Variants in NUDT19 observed in about 807,000 individuals in gnomAD.
NUDT19 encodes the protein nudix hydrolase 19.
A neutral mutation model predicts 22.2 loss-of-function variants in NUDT19; 31 were observed. That is an observed-to-expected ratio of 1.40 (90% CI 1.05 to 1.89). The LOEUF (loss-of-function observed/expected upper bound fraction) is 1.89. NUDT19 is among the 40% of genes most tolerant of loss of function. The pLI, the probability that NUDT19 is intolerant of heterozygous loss-of-function variation, is 0.00. For missense variants in NUDT19, 752 were observed against 514.2 expected (o/e 1.46, Z -4.47); for synonymous variants, 325 against 230.8 (o/e 1.41, Z -3.70).
intron 1 of NUDT19, among the ~76,000 whole-genome samples, chr19:32,693,699 A>G (rs915349851): frequency 1.3e-5 from 2 of 152,050 alleles, no homozygotes; most frequent in Non-Finnish European, 2.9e-5. Flanking sequence ...TTTACATAGT[A>G]CTGATTGGTG....
Position 32,692,251 on chromosome 19 carries a change from C to G in NUDT19, c.291C>G (p.Ser97Arg), listed in dbSNP as rs369231506. 16 of 1,591,940 alleles carry G rather than the reference C, an allele frequency of 1.0e-5. No individual in the cohort carries two copies. Among genetic ancestry groups the G allele is most frequent in the East Asian group, 2.3e-5 (1 of 44,208 alleles). The change falls in exon 1 of 3, where the codon AGC becomes AGG. Residue 97 changes from serine (S) to arginine (R), a missense_variant. Coordinates refer to ENST00000397061, the MANE Select transcript of NUDT19 (RefSeq NM_001105570.2). ...PRFGLGPAPF[S>R]RTAFPSLPDT... ...TCGGCCTGGGCCCGGCGCCATTCAG[C>G]CGCACCGCTTTCCCGTCGCTGCCCG...
At position 32,709,282 on chromosome 19, in the gene NUDT19, CCT is replaced by C. The variant is rs775485315; in HGVS notation, c.821_822del (p.Ser274Ter). The C allele has an allele frequency of 1.2e-6, 2 of 1,613,938 alleles. No homozygotes were observed. The highest frequency in any genetic ancestry group is 1.3e-5 in the African/African-American group (1 of 75,040). ...GAAGTGAGAAGACTTGCAAACTTTG[CCT>C]CTCTCTCTGACTTGCACAAATTTTG... On this transcript the variant is annotated frameshift_variant, in exon 2 of 3. Transcript: ENST00000397061. LOFTEE classifies it high-confidence loss of function.
chr19:32,708,138 A>G (rs1272401086), intron 1 of NUDT19, among the ~76,000 whole-genome samples: 1 of 132,930 alleles, frequency 7.5e-6, no homozygotes, highest in Non-Finnish European at 1.6e-5. Flanking sequence ...GACAGAGAGT[A>G]CTCGGTCAAA....
Position 32,692,385 on chromosome 19 carries a change from G to A in NUDT19, c.425G>A (p.Arg142Gln), listed in dbSNP as rs8108621. ...GAGGAGGCGGGCGTGCTGCTGCTGC[G>A]GCCCAGGACTTCCCCACCAGGCCCA... The part of the protein sequence containing the change: ...AFEEAGVLLL[R>Q]PRTSPPGPAP... The change falls in exon 1 of 3, where the codon CGG (arginine) becomes CAG (glutamine). Residue 142 changes from arginine (R) to glutamine (Q), a missense_variant. Coordinates refer to ENST00000397061, the MANE Select transcript of NUDT19 (RefSeq NM_001105570.2). The A allele has an allele frequency of 0.17, 262,910 of 1,581,572 alleles. 22,624 individuals carry two copies. The highest frequency in any genetic ancestry group is 0.26 in the African/African-American group (18,835 of 72,796).
At position 32,709,824 on chromosome 19, in the gene NUDT19, A is replaced by ATT. The variant is rs35764392; in HGVS notation, c.922+441_922+442dup. ...ACCACTGTGCCCGGCTAATCTTTGT[A>ATT]TTTTTTTTTTAGTAGATACGGGGTT... is the stretch of plus-strand genomic sequence containing the variant. On this transcript the variant is annotated intron_variant, in intron 2 of 2. Transcript: ENST00000397061. Among the ~76,000 whole-genome samples the ATT allele has an allele frequency of 5.2e-3, 776 of 148,020 alleles. 9 individuals carry two copies. Among genetic ancestry groups the ATT allele is most frequent in the South Asian group, 9.7e-3 (45 of 4,656 alleles).
intron 1 of NUDT19, among the ~76,000 whole-genome samples, chr19:32,702,637 C>A (rs548408564): frequency 6.6e-6 from 1 of 152,124 alleles, no homozygotes; most frequent in Non-Finnish European, 1.5e-5. Context: ...GTGTTTCTTG[C>A]AGGCAGCATA....
At position 32,691,975 on chromosome 19, in the gene NUDT19, G is replaced by A. The variant is rs1968186146; in HGVS notation, c.15G>A (p.Leu5=). ...AGCTGCGCGCCATGAGCAGCTCCCT[G>A]CGGCCGGGCCCCAGCCGCTGGCGGC... The part of the protein sequence containing the change: MSSS[L]RPGPSRWRRA... Residue 5 remains leucine, a synonymous_variant, in exon 1 of 3, where the codon CTG becomes CTA. Coordinates refer to ENST00000397061, the MANE Select transcript of NUDT19 (RefSeq NM_001105570.2). The A allele has an allele frequency of 3.2e-6, 4 of 1,232,088 alleles. No homozygotes were observed. The African/African-American group carries it at 4.7e-5, about 14-fold the overall frequency. 76.3% of individuals were successfully genotyped at this position (1,232,088 alleles called of 1,614,324 possible). A position where few individuals can be genotyped will look rare whatever the true frequency, so the allele number is the denominator to read the frequency against.
chr19:32,703,745 C>T (rs540112292), intron 1 of NUDT19, among the ~76,000 whole-genome samples: 5 of 148,922 alleles, frequency 3.4e-5, no homozygotes, highest in African/African-American at 1.2e-4. Context: ...TCACTACAAC[C>T]TCCGCCTCTC....
chr19:32,700,149 C>G (rs1204225898), intron 1 of NUDT19, among the ~76,000 whole-genome samples: 1 of 152,254 alleles, frequency 6.6e-6, no homozygotes, highest in Non-Finnish European at 1.5e-5. Context: ...CGGGTTGCTG[C>G]TGCTGGCTTG....
At chr19:32,706,739 T>C (rs1335786496) in intron 1 of NUDT19, among the ~76,000 whole-genome samples, 6 of 152,228 alleles carry the variant, frequency 3.9e-5, no homozygotes, top group African/African-American at 1.4e-4. Context: ...AATTCATCAA[T>C]TAAATTTTAT....
intron 1 of NUDT19, among the ~76,000 whole-genome samples, chr19:32,704,509 C>T (rs1186534159): frequency 6.6e-6 from 1 of 152,156 alleles, no homozygotes; most frequent in Non-Finnish European, 1.5e-5. Context: ...ATCCGCCTGC[C>T]TTGGCCTCCC....
chr19:32,699,751 G>C (rs183306055), intron 1 of NUDT19, among the ~76,000 whole-genome samples: 1 of 152,222 alleles, frequency 6.6e-6, no homozygotes, highest in African/African-American at 2.4e-5. Context: ...TCCTTCTGGT[G>C]GGTTCTTGGT....
rs201969564 is a variant in NUDT19 at position 32,692,285 on chromosome 19, G to A, written c.325G>A (p.Asp109Asn). The A allele has an allele frequency of 5.8e-4, 919 of 1,592,794 alleles. 3 individuals are homozygous for A. Among genetic ancestry groups the A allele is most frequent in the Non-Finnish European group, 3.7e-4 (432 of 1,177,692 alleles). Residue 109 changes from aspartate to asparagine, a missense_variant, in exon 1 of 3, where the codon GAC becomes AAC. Coordinates refer to ENST00000397061, the MANE Select transcript of NUDT19 (RefSeq NM_001105570.2). ...TTTCCCGTCGCTGCCCGACACCGAT[G>A]ACCACAAGACCGACAACACTGGGAC... The part of the protein sequence containing the change: ...TAFPSLPDTD[D>N]HKTDNTGTLP...
In NUDT19 at chr19:32,692,222, C is replaced by A; in HGVS notation, c.262C>A (p.Arg88Ser). 1 of 1,584,700 alleles carries A rather than the reference C, an allele frequency of 6.3e-7. No individual in the cohort carries two copies. The highest frequency in any genetic ancestry group is 8.5e-7 in the Non-Finnish European group (1 of 1,174,306). ...CTTCGCGCCGCACCACGGGCCGCCG[C>A]GCTTCGGCCTGGGCCCGGCGCCATT... The part of the protein sequence containing the change: ...GLFAPHHGPP[R>S]FGLGPAPFSR... The change falls in exon 1 of 3, where the codon CGC becomes AGC. Residue 88 changes from arginine to serine, a missense_variant. Transcript: ENST00000397061.
intron 1 of NUDT19, among the ~76,000 whole-genome samples, chr19:32,708,158 A>C (rs1968407647): frequency 6.8e-6 from 1 of 147,308 alleles, no homozygotes; most frequent in African/African-American, 2.5e-5. Context: ...AAAAAAAAAA[A>C]AAATCACGAC....
chr19:32,712,140 T>TA lies in NUDT19; in HGVS notation c.*184dup. On this transcript the variant is annotated 3_prime_UTR_variant, in exon 3 of 3. Transcript: ENST00000397061. ...CCCAGGCTGGAGTGCAGTGGCATGA[T>TA]ATAGGCTCACTGGAAGCTCTGCCTC... The TA allele has an allele frequency of 1.9e-6, 1 of 537,976 alleles. No individual in the cohort carries two copies. The allele number at this position is 537,976 out of a possible 1,614,324, so 33.3% of individuals were successfully genotyped here.
intron 1 of NUDT19, among the ~76,000 whole-genome samples, chr19:32,703,371 G>A (rs182049108): frequency 2.3e-4 from 35 of 151,872 alleles, no homozygotes; most frequent in African/African-American, 8.4e-4. Flanking sequence ...TTATTGAGAT[G>A]GAGTTTCATT....
At position 32,692,276 on chromosome 19, in the gene NUDT19, G is replaced by A. The variant is rs773320719; in HGVS notation, c.316G>A (p.Asp106Asn). The A allele has an allele frequency of 3.1e-6, 5 of 1,592,532 alleles. No individual in the cohort carries two copies. The highest frequency in any genetic ancestry group is 4.2e-6 in the Non-Finnish European group (5 of 1,177,630). ...FSRTAFPSLP[D>N]TDDHKTDNTG... is the part of the protein sequence containing the mutation. ...CCGCACCGCTTTCCCGTCGCTGCCC[G>A]ACACCGATGACCACAAGACCGACAA... is the stretch of plus-strand genomic sequence containing the variant. The change falls in exon 1 of 3, where the codon GAC (aspartate) becomes AAC (asparagine). Residue 106 changes from aspartate to asparagine, a missense_variant. Coordinates refer to ENST00000397061, the MANE Select transcript of NUDT19 (RefSeq NM_001105570.2).
intron 1 of NUDT19, among the ~76,000 whole-genome samples, 184 bp downstream of exon 1, chr19:32,692,858 G>C (rs766484013): frequency 3.3e-5 from 5 of 152,216 alleles, no homozygotes. Flanking sequence ...TTGGTGAAGT[G>C]CTCTCTGCTT....
Sources: allele counts gnomAD v4.1 joint callset (sites outside exome capture counted in the v4.1 genomes callset), GRCh38; gene constraint gnomAD v4.1.1; transcripts MANE v1.5; gene names NCBI Gene and HGNC (gene_info 2026-07-23, HGNC 2026-07-21).